Variants in SLC12A7 observed in about 807,000 individuals in gnomAD.
SLC12A7 encodes K-Cl cotransporter 4.
SLC12A7 carries 100 observed loss-of-function variants against 120.6 expected under a neutral mutation model. That is an observed-to-expected ratio of 0.83 (90% CI 0.71 to 0.98). The LOEUF (loss-of-function observed/expected upper bound fraction) is 0.98. Ranked by LOEUF, SLC12A7 falls within the 50% of genes least tolerant of loss-of-function variation. The probability of loss-of-function intolerance (pLI) is 0.00; values close to 1 mark genes in which losing one functional copy is unlikely to be tolerated. For synonymous variants in SLC12A7, 760 were observed against 678.0 expected (o/e 1.12, Z -1.88); for missense variants, 1,373 against 1,548.1 (o/e 0.89, Z 1.90).
At chr5:1,122,794 C>A in the SLC12A7 span, among the ~76,000 whole-genome samples, 1 of 152,270 alleles carries the variant, frequency 6.6e-6, no homozygotes, top group Non-Finnish European at 1.5e-5. Context: ...TCTGGACGGG[C>A]ACGTTTTGTT....
At position 1,104,676 on chromosome 5, in the gene SLC12A7, G is replaced by GGGGGTGCGTGT. The variant is rs994186849; in HGVS notation, c.124+7181_124+7191dup. ...CTCCCCACAGAGCCGAGGCCCACCG[G>GGGGGTGCGTGT]GGGGTGCGTGTGGGGTGCGTGTGGG... On this transcript the variant is annotated intron_variant, in intron 1 of 23. Transcript: ENST00000264930. Among the ~76,000 whole-genome samples, 943 of 152,182 alleles carry GGGGGTGCGTGT rather than the reference G, an allele frequency of 6.2e-3. 8 individuals carry two copies. Among genetic ancestry groups the GGGGGTGCGTGT allele is most frequent in the African/African-American group, 0.021 (874 of 41,526 alleles).
intron 17 of SLC12A7, among the ~76,000 whole-genome samples, chr5:1,066,084 T>C (rs1012668013): frequency 5.9e-5 from 9 of 152,292 alleles, no homozygotes; most frequent in Admixed American, 3.3e-4. Context: ...TGCCACGCAC[T>C]AAAGCCATGC....
At chr5:1,068,358 C>T (rs1298244498) in intron 17 of SLC12A7, among the ~76,000 whole-genome samples, 3 of 152,172 alleles carry the variant, frequency 2.0e-5, no homozygotes, top group Admixed American at 6.5e-5. Context: ...TGCTTCAACT[C>T]GGGAGGTGGA....
In SLC12A7 at chr5:1,073,794, C is replaced by G. The variant is rs759379798; in HGVS notation, c.2080G>C (p.Val694Leu). The G allele has an allele frequency of 7.0e-7, 1 of 1,420,070 alleles. No individual in the cohort carries two copies. The highest frequency in any genetic ancestry group is 2.6e-5 in the Admixed American group (1 of 37,962). The allele number at this position is 1,420,070 out of a possible 1,614,324, so 88.0% of individuals were successfully genotyped here. Reference sequence around the variant, plus strand: ...GCGTCCAGGTTCAGCATCACCAGCACCTGGGGCCTGCAGCCAGGGTGGGGC... The same window carrying G: ...GCGTCCAGGTTCAGCATCACCAGCAGCTGGGGCCTGCAGCCAGGGTGGGGC... ...PPHTKNWRPQ[V>L]LVMLNLDAEQ... The change falls in exon 17 of 24, where the codon GTG becomes CTG. Residue 694 changes from valine to leucine, a missense_variant. Val to Leu is a conservative substitution (Grantham distance 32, BLOSUM62 1). Coordinates refer to ENST00000264930, the MANE Select transcript of SLC12A7 (RefSeq NM_006598.3).
chr5:1,088,319 G>C lies in SLC12A7; in HGVS notation c.531C>G (p.Asn177Lys), dbSNP rs144362197. The change falls in exon 5 of 24, where the codon AAC (asparagine) becomes AAG (lysine). Residue 177 changes from asparagine (N) to lysine (K), a missense_variant. Physicochemically the swap from Asn to Lys is moderately conservative, Grantham distance 94. Coordinates refer to ENST00000264930, the MANE Select transcript of SLC12A7 (RefSeq NM_006598.3). ...TAISMSAIAT[N>K]GVVPAGGSYY... Reference sequence around the variant, plus strand: ...GGCACCCCTTACCTGGGACCACACCGTTGGTAGCGATCGCACTCATGGAAA... The same window carrying C: ...GGCACCCCTTACCTGGGACCACACCCTTGGTAGCGATCGCACTCATGGAAA... 1 of 1,586,788 alleles carries C rather than the reference G, an allele frequency of 6.3e-7. No individual in the cohort carries two copies. The highest frequency in any genetic ancestry group is 8.6e-7 in the Non-Finnish European group (1 of 1,167,222).
At chr5:1,109,802 C>G (rs1272153375) in intron 1 of SLC12A7, among the ~76,000 whole-genome samples, 1 of 152,256 alleles carries the variant, frequency 6.6e-6, no homozygotes, top group East Asian at 1.9e-4. Context: ...ACTTGCTTCG[C>G]CGTCACCCAG....
chr5:1,136,412 A>G, the SLC12A7 span, among the ~76,000 whole-genome samples: 1 of 145,178 alleles, frequency 6.9e-6, no homozygotes, highest in Non-Finnish European at 1.5e-5. Flanking sequence ...CAACACCAGG[A>G]CACGCAGGCA....
chr5:1,106,293 A>T (rs1289635822), intron 1 of SLC12A7, among the ~76,000 whole-genome samples: 1 of 152,136 alleles, frequency 6.6e-6, no homozygotes, highest in African/African-American at 2.4e-5. Flanking sequence ...TCTGCACTAT[A>T]AATATAAAAC....
rs6881539 is a variant in SLC12A7 at position 1,083,604 on chromosome 5, T to C, written c.1129+141A>G. ...GTGTGTACAGGGACCCCCAGGCTCA[T>C]CAGCAGCAGCTGGGAAGGGGCTCGG... On this transcript the variant is annotated intron_variant, in intron 8 of 23. Coordinates refer to ENST00000264930, the MANE Select transcript of SLC12A7 (RefSeq NM_006598.3). The C allele has an allele frequency of 3.5e-3, 2,924 of 834,138 alleles. 47 individuals carry two copies. The African/African-American group carries it at 0.038, about 11-fold the overall frequency. The allele number at this position is 834,138 out of a possible 1,614,324, so 51.7% of individuals were successfully genotyped here. A position where few individuals can be genotyped will look rare whatever the true frequency, so the allele number is the denominator to read the frequency against.
At chr5:1,154,931 C>G in the SLC12A7 span, among the ~76,000 whole-genome samples, 2 of 152,238 alleles carry the variant, frequency 1.3e-5, no homozygotes, top group Admixed American at 6.5e-5. Flanking sequence ...GACATCTGTC[C>G]TCGGGGCCCA....
intron 22 of SLC12A7, 155 bp downstream of exon 22, chr5:1,057,316 G>C (rs1295808376): frequency 1.3e-6 from 1 of 752,274 alleles, no homozygotes; most frequent in Admixed American, 2.7e-5. Flanking sequence ...GGACCCCTCA[G>C]TGCCCACTCA....
the SLC12A7 span, among the ~76,000 whole-genome samples, chr5:1,144,995 C>T: frequency 2.0e-5 from 3 of 152,370 alleles, no homozygotes; most frequent in East Asian, 5.8e-4. Context: ...CAGCAGCAGC[C>T]AGCACCACTG....
chr5:1,140,335 G>A, the SLC12A7 span, among the ~76,000 whole-genome samples: 4 of 152,180 alleles, frequency 2.6e-5, no homozygotes, highest in African/African-American at 7.2e-5. Context: ...GGTGAATCCT[G>A]ACCGCCAATC....
chr5:1,057,488 G>A lies in SLC12A7; in HGVS notation c.3009C>T (p.Asp1003=), dbSNP rs749582925. The change falls in exon 22 of 24, where the codon GAC becomes GAT. Residue 1003 remains aspartate (D), a synonymous_variant. Coordinates refer to ENST00000264930, the MANE Select transcript of SLC12A7 (RefSeq NM_006598.3). ...ACACTCACGGCTTCATGCTGAAGAG[G>A]TCTTTGAAACCAGATAGGCTGGTGT... is the stretch of plus-strand genomic sequence containing the variant. ...SRDTSLSGFK[D]LFSMKPDQSN... is the part of the protein sequence containing the mutation. The A allele has an allele frequency of 5.0e-6, 8 of 1,612,456 alleles. No homozygotes were observed. In the East Asian group the frequency reaches 1.1e-4, roughly 22 times the overall value.
intron 3 of SLC12A7, 80 bp downstream of exon 3, chr5:1,093,453 C>T: frequency 1.4e-6 from 2 of 1,418,494 alleles, no homozygotes; most frequent in Non-Finnish European, 1.9e-6. Context: ...TTCTGACAAG[C>T]AACTGCCTTG....
At chr5:1,130,449 C>T in the SLC12A7 span, among the ~76,000 whole-genome samples, 237 of 152,240 alleles carry the variant, frequency 1.6e-3, no homozygotes, top group African/African-American at 5.4e-3. Flanking sequence ...ATGAAAGCCC[C>T]GCCCCCACCC....
intron 20 of SLC12A7, chr5:1,062,951 G>A (rs949267714): frequency 7.8e-5 from 12 of 154,080 alleles, no homozygotes; most frequent in Non-Finnish European, 1.6e-4. Context: ...GATCCAAGTG[G>A]GGTCAGAACC....
chr5:1,065,631 C>T (rs1489626975), intron 17 of SLC12A7, among the ~76,000 whole-genome samples, 153 bp from the exon 18 acceptor site: 2 of 152,076 alleles, frequency 1.3e-5, no homozygotes, highest in Admixed American at 6.5e-5. Context: ...GCGGTGCTCC[C>T]GGCCGCTGTG....
In SLC12A7 at chr5:1,052,105, C is replaced by T. The variant is rs1735099020; in HGVS notation, c.*255G>A. 3 of 558,930 alleles carry T rather than the reference C, an allele frequency of 5.4e-6. No homozygotes were observed. The highest frequency in any genetic ancestry group is 3.8e-5 in the African/African-American group (2 of 52,898). The allele number at this position is 558,930 out of a possible 1,614,324, so 34.6% of individuals were successfully genotyped here. A position where few individuals can be genotyped will look rare whatever the true frequency, so the allele number is the denominator to read the frequency against. On this transcript the variant is annotated 3_prime_UTR_variant, in exon 24 of 24. Transcript: ENST00000264930. ...AGAAGATCTGGCCACGTCCAGGTCA[C>T]TCCGGTAGCAGCGTCTGCCCTCAGA...
Sources: gnomAD v4.1 joint callset for allele counts (sites outside exome capture counted in the v4.1 genomes callset) on GRCh38, gnomAD v4.1.1 for gene constraint, MANE v1.5 for transcripts, NCBI Gene and HGNC (gene_info 2026-07-23, HGNC 2026-07-21) for gene names.